Variants in FBN1 observed in about 807,000 individuals in gnomAD.
FBN1 encodes the protein fibrillin 1.
FBN1 carries 29 observed loss-of-function variants against 365.1 expected under a neutral mutation model. The observed-to-expected ratio is 0.08, with a 90% CI of 0.06 to 0.11. FBN1 has a LOEUF of 0.11. Among genes scored for constraint, FBN1 ranks in the 10% least tolerant of loss-of-function variants. FBN1 has a pLI of 1.00. For synonymous variants in FBN1, 1,210 were observed against 1,270.5 expected, an observed-to-expected ratio of 0.95 and a Z score of 1.01; for missense variants, 2,476 against 3,703.2, an observed-to-expected ratio of 0.67 and a Z score of 8.60.
intron 59 of FBN1, 64 bp from the exon 60 acceptor site, chr15:48,425,555 A>G: frequency 6.2e-7 from 1 of 1,606,930 alleles, no homozygotes; most frequent in Admixed American, 1.7e-5. Context: ...CTCAATTTCC[A>G]CAGGGTCTAA....
At chr15:48,458,555 T>C (rs1261375179) in intron 43 of FBN1, among the ~76,000 whole-genome samples, 1 of 152,226 alleles carries the variant, frequency 6.6e-6, no homozygotes, top group Non-Finnish European at 1.5e-5. Context: ...CAGTGTGGGT[T>C]AGAACACGAA....
intron 6 of FBN1, among the ~76,000 whole-genome samples, chr15:48,579,680 C>G (rs2044376497): frequency 6.6e-6 from 1 of 152,196 alleles, no homozygotes; most frequent in Admixed American, 6.5e-5. Context: ...GAAAAGAACA[C>G]TTTATGTCCC....
chr15:48,440,760 T>C (rs1040853994), intron 50 of FBN1, among the ~76,000 whole-genome samples: 3 of 152,066 alleles, frequency 2.0e-5, no homozygotes, highest in Admixed American at 6.6e-5. Flanking sequence ...AATGAGGAAA[T>C]TGAGCTTCCA....
chr15:48,428,653 T>G (rs1208810770), intron 56 of FBN1, among the ~76,000 whole-genome samples, 182 bp from the exon 57 acceptor site: 1 of 151,836 alleles, frequency 6.6e-6, no homozygotes, highest in African/African-American at 2.4e-5. Context: ...TCTTTCCTTC[T>G]TAACTTAGCT....
chr15:48,420,253 T>G (rs1043950112), intron 63 of FBN1, among the ~76,000 whole-genome samples: 5 of 152,234 alleles, frequency 3.3e-5, no homozygotes, highest in Admixed American at 6.5e-5. Context: ...GTTTCCTGCT[T>G]GCGCTCTGTC....
chr15:48,626,570 G>A (rs2140758473), intron 2 of FBN1, among the ~76,000 whole-genome samples: 1 of 152,036 alleles, frequency 6.6e-6, no homozygotes, highest in East Asian at 1.9e-4. Context: ...TTGTTGCTCA[G>A]GAACAAAAAT....
chr15:48,534,377 A>C (rs1597591899), intron 7 of FBN1, among the ~76,000 whole-genome samples, 172 bp from the exon 8 acceptor site: 1 of 152,274 alleles, frequency 6.6e-6, no homozygotes, highest in East Asian at 1.9e-4. Context: ...CAATTGCATT[A>C]TGTAAAATAC....
At chr15:48,551,068 G>C (rs1214561209) in intron 6 of FBN1, among the ~76,000 whole-genome samples, 4 of 152,146 alleles carry the variant, frequency 2.6e-5, no homozygotes, top group African/African-American at 9.7e-5. Flanking sequence ...CTTTGCTCAA[G>C]ATGTAATTAA....
At chr15:48,426,637 C>A (rs369364726) in intron 58 of FBN1, among the ~76,000 whole-genome samples, 167 of 152,244 alleles carry the variant, frequency 1.1e-3, no homozygotes, top group African/African-American at 3.9e-3. Flanking sequence ...GGGTTCTCAG[C>A]CCTTGACTGC....
rs549781870 is a variant in FBN1 at position 48,487,947 on chromosome 15, T to C, written c.3337+166A>G. 4.6e-5 allele frequency among the ~76,000 whole-genome samples: 7 copies of C among 152,306 alleles called. No individual in the cohort carries two copies. The South Asian group carries it at 1.5e-3, about 32-fold the overall frequency. On this transcript the variant is annotated intron_variant, in intron 27 of 65. Coordinates refer to ENST00000316623, the MANE Select transcript of FBN1 (RefSeq NM_000138.5). The stretch of plus-strand genomic sequence containing the variant: ...CGCCATCACCCACAAACCCACAGCA[T>C]GAATTCCCTCATTCTTTCTACCTCA...
At chr15:48,644,493 T>A in intron 2 of FBN1, 113 bp downstream of exon 2, 1 of 1,464,370 alleles carries the variant, frequency 6.8e-7, no homozygotes, top group South Asian at 1.1e-5. Context: ...ACCTCTAAGG[T>A]GCCCCCAGGA....
rs28700171 is a variant in FBN1, at chr15:48,633,891, C to T, written c.164+10715G>A. Among the ~76,000 whole-genome samples, 456 of 152,272 alleles carry T rather than the reference C, an allele frequency of 3.0e-3. 2 individuals are homozygous for T. The highest frequency in any genetic ancestry group is 0.01 in the African/African-American group (427 of 41,558). Reference sequence around the variant, plus strand: ...CCACGTGACTCAGCTTCCACACCTACGAACCGGAGAGGAAAATAAGCACCT... The same window carrying T: ...CCACGTGACTCAGCTTCCACACCTATGAACCGGAGAGGAAAATAAGCACCT... On this transcript the variant is annotated intron_variant, in intron 2 of 65. Coordinates refer to ENST00000316623, the MANE Select transcript of FBN1 (RefSeq NM_000138.5).
Position 48,522,119 on chromosome 15 carries a change from T to A in FBN1, c.989-1302A>T, listed in dbSNP as rs117116650. ...TTGTGTGTTCCCAATGAGAATCTAA[T>A]GCCTGATGATCTGCCAATGTCTCCC... On this transcript the variant is annotated intron_variant, in intron 9 of 65. Transcript: ENST00000316623. Among the ~76,000 whole-genome samples, 585 of 152,358 alleles carry A rather than the reference T, an allele frequency of 3.8e-3. 12 individuals are homozygous for A. The highest frequency in any genetic ancestry group is 0.033 in the East Asian group (173 of 5,182).
At position 48,465,647 on chromosome 15, in the gene FBN1, T is replaced by C. The variant is rs2043314687; in HGVS notation, c.4863A>G (p.Lys1621=). The C allele has an allele frequency of 2.5e-6, 4 of 1,614,006 alleles. No homozygotes were observed. The East Asian group carries it at 6.7e-5, about 27-fold the overall frequency. Reference sequence around the variant, plus strand: ...GGAAACTCCCAAAGGTGTTGATACATTTTCCTCCTTGGCACAGCCCTGGTA... The same window carrying C: ...GGAAACTCCCAAAGGTGTTGATACACTTTCCTCCTTGGCACAGCCCTGGTA... The part of the protein sequence containing the change: ...QELPGLCQGG[K]CINTFGSFQC... Residue 1621 remains lysine (K), a synonymous_variant, in exon 40 of 66, where the codon AAA becomes AAG. Transcript: ENST00000316623.
At chr15:48,513,486 T>C (rs1392174086) in intron 13 of FBN1, 63 bp downstream of exon 13, 1 of 1,612,920 alleles carries the variant, frequency 6.2e-7, no homozygotes, top group African/African-American at 1.3e-5. Flanking sequence ...ATGGAACTCC[T>C]TTGAAGCCAA....
At position 48,614,559 on chromosome 15, in the gene FBN1, C is replaced by T. The variant is rs111283657; in HGVS notation, c.165-1467G>A. Among the ~76,000 whole-genome samples the T allele has an allele frequency of 7.2e-5, 11 of 152,294 alleles. 1 individual carries two copies. Among genetic ancestry groups the T allele is most frequent in the African/African-American group, 2.6e-4 (11 of 41,562 alleles). ...CCTGCAGGGCACCACACATGCTTCA[C>T]ACTGACAGATGCTGAGGTCAGAAAG... On this transcript the variant is annotated intron_variant, in intron 2 of 65. Transcript: ENST00000316623.
In FBN1 at chr15:48,606,872, G is replaced by A. The variant is rs545633418; in HGVS notation, c.346+3856C>T. ...AACCTTTAAGACGTGATAAGGTCAT[G>A]AGGGCTTTGCCCTCATAAATGGATT... is the stretch of plus-strand genomic sequence containing the variant. On this transcript the variant is annotated intron_variant, in intron 4 of 65. Coordinates refer to ENST00000316623, the MANE Select transcript of FBN1 (RefSeq NM_000138.5). Among the ~76,000 whole-genome samples the A allele has an allele frequency of 2.8e-4, 42 of 152,338 alleles. No individual in the cohort carries two copies. In the South Asian group the frequency reaches 8.1e-3, roughly 29 times the overall value.
At position 48,468,390 on chromosome 15, in the gene FBN1, TGAA is replaced by T. The variant is rs763675296; in HGVS notation, c.4582+19_4582+21del. The T allele has an allele frequency of 6.2e-7, 1 of 1,613,972 alleles. No homozygotes were observed. Among genetic ancestry groups the T allele is most frequent in the African/African-American group, 1.3e-5 (1 of 75,036 alleles). Reference sequence around the variant, plus strand: ...ATAATACACAGTATGCTTGCTTCTCTGAAAAGTTTTTAAGGTCTTACCAACACA... The same window carrying T: ...ATAATACACAGTATGCTTGCTTCTCTAAGTTTTTAAGGTCTTACCAACACA... On this transcript the variant is annotated intron_variant, in intron 37 of 65. Coordinates refer to ENST00000316623, the MANE Select transcript of FBN1 (RefSeq NM_000138.5).
chr15:48,619,773 G>A (rs186759460), intron 2 of FBN1, among the ~76,000 whole-genome samples: 75 of 150,286 alleles, frequency 5.0e-4, no homozygotes, highest in African/African-American at 1.8e-3. Flanking sequence ...AATAAAATAT[G>A]ATTAAGAAAC....
Sources: allele counts gnomAD v4.1 joint callset (sites outside exome capture counted in the v4.1 genomes callset), GRCh38; gene constraint gnomAD v4.1.1; transcripts MANE v1.5; gene names NCBI Gene and HGNC (gene_info 2026-07-23, HGNC 2026-07-21).